KDM7A: variants seen among roughly 807,000 people sequenced by gnomAD.
KDM7A encodes lysine demethylase 7A, also known as lysine-specific demethylase 7A.
Under a neutral mutation model 114.8 loss-of-function variants are expected in KDM7A, and 28 were observed. The ratio of observed to expected loss-of-function variants is 0.24; its 90% CI spans 0.18 to 0.33. The LOEUF (loss-of-function observed/expected upper bound fraction) is 0.33. Among genes scored for constraint, KDM7A ranks in the 10% least tolerant of loss-of-function variants. The pLI is 1.00. For missense variants in KDM7A, 942 were observed against 1,142.5 expected (o/e 0.82, Z 2.53); for synonymous variants, 423 against 397.8 (o/e 1.06, Z -0.75).
chr7:140,132,849 T>TG (rs1292444669), intron 3 of KDM7A, among the ~76,000 whole-genome samples: 1 of 152,190 alleles, frequency 6.6e-6, no homozygotes, highest in African/African-American at 2.4e-5. Context: ...CATAATAAGC[T>TG]GCATGTGATA....
At chr7:140,104,523 A>T (rs1818293713) in intron 11 of KDM7A, among the ~76,000 whole-genome samples, 1 of 152,314 alleles carries the variant, frequency 6.6e-6, no homozygotes, top group African/African-American at 2.4e-5. Flanking sequence ...CTTTCTACAT[A>T]TGGCTAGCCA....
intron 1 of KDM7A, among the ~76,000 whole-genome samples, chr7:140,150,644 GGAAAA>G (rs1425285410): frequency 6.6e-6 from 1 of 152,076 alleles, no homozygotes; most frequent in Non-Finnish European, 1.5e-5. Context: ...GTTGCCTCTG[GGAAAA>G]GAAAACTGAA....
At chr7:140,106,024 G>GT (rs1329886602) in intron 11 of KDM7A, among the ~76,000 whole-genome samples, 21 of 152,290 alleles carry the variant, frequency 1.4e-4, no homozygotes, top group East Asian at 1.3e-3. Context: ...TTGGAAGGGT[G>GT]TATGTGTTGA....
intron 15 of KDM7A, 148 bp downstream of exon 15, chr7:140,097,397 A>G: frequency 1.7e-6 from 1 of 591,180 alleles, no homozygotes; most frequent in East Asian, 2.8e-5. Context: ...GCATGTGTGT[A>G]CACTGACCAC....
chr7:140,114,378 C>G (rs939178084), intron 9 of KDM7A, among the ~76,000 whole-genome samples: 3 of 150,888 alleles, frequency 2.0e-5, no homozygotes, highest in Non-Finnish European at 4.4e-5. Context: ...CTGTGTTGGC[C>G]GGGCTGGTCT....
Position 140,176,685 on chromosome 7 carries a change from G to A in KDM7A, c.194+59C>T. On this transcript the variant is annotated intron_variant, in intron 1 of 19. Transcript: ENST00000397560. This position sits in a 1 kb window ranked among gnomAD's most constrained non-coding sequence, Gnocchi z 4.4. ...GAGGGAGGCGCGGGCGGCCGGCGGCGGCGGCGGTTGGTCGGTGGCCGGCGG... is the reference window on the plus strand; with the variant it reads ...GAGGGAGGCGCGGGCGGCCGGCGGCAGCGGCGGTTGGTCGGTGGCCGGCGG... 1 of 1,085,660 alleles carries A rather than the reference G, an allele frequency of 9.2e-7. No individual in the cohort carries two copies. The highest frequency in any genetic ancestry group is 1.1e-6 in the Non-Finnish European group (1 of 882,724). The allele number at this position is 1,085,660 out of a possible 1,614,324, so 67.3% of individuals were successfully genotyped here. A position where few individuals can be genotyped will look rare whatever the true frequency, so the allele number is the denominator to read the frequency against.
chr7:140,165,413 G>A (rs1794563240), intron 1 of KDM7A, among the ~76,000 whole-genome samples: 3 of 152,212 alleles, frequency 2.0e-5, no homozygotes, highest in Non-Finnish European at 4.4e-5. Flanking sequence ...GTTCTTCACA[G>A]TAGCTAATGA....
At chr7:140,122,076 T>A (rs933556628) in intron 7 of KDM7A, among the ~76,000 whole-genome samples, 4 of 152,210 alleles carry the variant, frequency 2.6e-5, no homozygotes, top group Admixed American at 2.6e-4. Flanking sequence ...TCCAGCAATC[T>A]GTGTTGTAAC....
intron 7 of KDM7A, among the ~76,000 whole-genome samples, chr7:140,121,595 G>A (rs1444031745): frequency 2.0e-5 from 3 of 152,178 alleles, no homozygotes; most frequent in Admixed American, 6.5e-5. Context: ...ACGTTTAGGG[G>A]CTTTTCTGAT....
In KDM7A at chr7:140,086,344, G is replaced by A. The variant is rs1293474167; in HGVS notation, c.*4750C>T. 6.6e-6 allele frequency: 1 copy of A among 151,996 alleles called. No individual in the cohort carries two copies. The highest frequency in any genetic ancestry group is 1.5e-5 in the Non-Finnish European group (1 of 67,996). 9.4% of individuals were successfully genotyped at this position (151,996 alleles called of 1,614,324 possible). A position where few individuals can be genotyped will look rare whatever the true frequency, so the allele number is the denominator to read the frequency against. On this transcript the variant is annotated 3_prime_UTR_variant, in exon 20 of 20. Transcript: ENST00000397560. ...AGAAGGGGCACCAGGGGGAAGGGGA[G>A]AACCTAAGGATATTGCAAAAGAGTA...
intron 7 of KDM7A, among the ~76,000 whole-genome samples, chr7:140,121,738 T>TA (rs1227259372): frequency 1.4e-4 from 21 of 152,320 alleles, no homozygotes; most frequent in African/African-American, 5.1e-4. Context: ...CGCATTCATA[T>TA]AGGTACAAAG....
intron 1 of KDM7A, among the ~76,000 whole-genome samples, chr7:140,169,688 G>A (rs967952386): frequency 2.0e-5 from 3 of 152,036 alleles, no homozygotes; most frequent in African/African-American, 7.2e-5. Context: ...ACTATGCCCA[G>A]CTAATTTTTG....
chr7:140,126,880 G>A (rs1818713498), intron 5 of KDM7A, 57 bp from the exon 6 acceptor site: 1 of 1,335,692 alleles, frequency 7.5e-7, no homozygotes, highest in African/African-American at 1.5e-5. Context: ...AAATTCTTAA[G>A]AATTGTTTTT....
chr7:140,115,558 T>C lies in KDM7A; in HGVS notation c.1247-1976A>G, dbSNP rs1057243236. The stretch of plus-strand genomic sequence containing the variant: ...TCAGGGTTAAATGGATTAAGGGCGG[T>C]GCAAGATGTGCTTTGTTAAACAGAT... On this transcript the variant is annotated intron_variant, in intron 9 of 19. Transcript: ENST00000397560. Among the ~76,000 whole-genome samples, 4 of 152,206 alleles carry C rather than the reference T, an allele frequency of 2.6e-5. No individual in the cohort carries two copies. In the East Asian group the frequency reaches 7.7e-4, roughly 29 times the overall value.
chr7:140,108,412 GT>G (rs1229691084), intron 11 of KDM7A, among the ~76,000 whole-genome samples: 1 of 152,100 alleles, frequency 6.6e-6, no homozygotes, highest in Non-Finnish European at 1.5e-5. Flanking sequence ...CATCTTTGTG[GT>G]TTTATCTACC....
Position 140,091,907 on chromosome 7 carries a change from T to C in KDM7A, c.2628A>G (p.Leu876=). 6.8e-6 allele frequency: 11 copies of C among 1,614,072 alleles called. No homozygotes were observed. The highest frequency in any genetic ancestry group is 9.3e-6 in the Non-Finnish European group (11 of 1,180,010). The change falls in exon 19 of 20, where the codon CTA becomes CTG. Residue 876 remains leucine, a synonymous_variant. Transcript: ENST00000397560. ...SGACQISNGS[L]SPERPVGETS... is the part of the protein sequence containing the mutation. ...TTTCACCAACTGGCCTTTCTGGGCT[T>C]AGACTGCCATTACTTATCTGGCACG...
chr7:140,100,689 C>CACATATATATATAT (rs1562945966), intron 12 of KDM7A, among the ~76,000 whole-genome samples: 2 of 54,008 alleles, frequency 3.7e-5, no homozygotes, highest in Non-Finnish European at 7.3e-5. Context: ...TACATATATA[C>CACATATATATATAT]ATATATATAT....
At chr7:140,160,670 G>A (rs1212918575) in intron 1 of KDM7A, among the ~76,000 whole-genome samples, 1 of 152,204 alleles carries the variant, frequency 6.6e-6, no homozygotes, top group Admixed American at 6.5e-5. Context: ...AGGGAGAGTG[G>A]TGTAAGACTT....
At chr7:140,118,235 G>A (rs958783494) in intron 9 of KDM7A, among the ~76,000 whole-genome samples, 1 of 152,158 alleles carries the variant, frequency 6.6e-6, no homozygotes, top group African/African-American at 2.4e-5. Flanking sequence ...TAGCACAAGA[G>A]GATGAAAAGC....
Sources: allele counts gnomAD v4.1 joint callset (sites outside exome capture counted in the v4.1 genomes callset), GRCh38; gene constraint gnomAD v4.1.1; non-coding constraint Gnocchi (gnomAD v3.1); transcripts MANE v1.5; gene names NCBI Gene and HGNC (gene_info 2026-07-23, HGNC 2026-07-21).